INPP5A: variants seen among roughly 807,000 people sequenced by gnomAD.
The protein encoded by INPP5A is inositol polyphosphate-5-phosphatase A, also known as 43 kDa inositol polyphosphate 5-phophatase.
Under a neutral mutation model 65.2 loss-of-function variants are expected in INPP5A, and 14 were observed. The observed-to-expected ratio is 0.21, with a 90% CI of 0.14 to 0.34. The LOEUF (loss-of-function observed/expected upper bound fraction) is 0.34, where lower values mean the gene tolerates loss of function less well. INPP5A is among the 10% of genes least tolerant of loss of function. The probability of loss-of-function intolerance (pLI) is 1.00; values close to 1 mark genes in which losing one functional copy is unlikely to be tolerated. For missense variants in INPP5A, 431 were observed against 545.6 expected (o/e 0.79, Z 2.09); for synonymous variants, 207 against 208.3 (o/e 0.99, Z 0.05).
At chr10:132,696,919 G>A (rs779070252) in intron 5 of INPP5A, among the ~76,000 whole-genome samples, 4 of 152,230 alleles carry the variant, frequency 2.6e-5, no homozygotes, top group Non-Finnish European at 5.9e-5. Context: ...CCAGTACCTT[G>A]GCCCATGGTG....
At chr10:132,720,575 C>T (rs1197161249) in intron 8 of INPP5A, among the ~76,000 whole-genome samples, 2 of 91,836 alleles carry the variant, frequency 2.2e-5, no homozygotes, top group African/African-American at 4.3e-5. Flanking sequence ...TGTGGTACCT[C>T]GGTTCTGTCT....
At chr10:132,641,726 A>G (rs192763047) in intron 2 of INPP5A, among the ~76,000 whole-genome samples, 8 of 152,336 alleles carry the variant, frequency 5.3e-5, no homozygotes, top group African/African-American at 1.7e-4. Context: ...GCTCTTTTCT[A>G]TAGTCGTTCA....
intron 1 of INPP5A, among the ~76,000 whole-genome samples, chr10:132,566,768 G>C (rs2071279448): frequency 6.6e-6 from 1 of 152,158 alleles, no homozygotes; most frequent in Non-Finnish European, 1.5e-5. Flanking sequence ...ACTAGTGTCA[G>C]GGACAAGACA....
At chr10:132,601,182 C>T (rs911773180) in intron 1 of INPP5A, among the ~76,000 whole-genome samples, 12 of 152,144 alleles carry the variant, frequency 7.9e-5, no homozygotes, top group South Asian at 2.1e-4. Context: ...GTATAATATC[C>T]ATCGTATCCA....
At chr10:132,585,401 C>T (rs1387939308) in intron 1 of INPP5A, among the ~76,000 whole-genome samples, 1 of 152,146 alleles carries the variant, frequency 6.6e-6, no homozygotes, top group East Asian at 1.9e-4. Context: ...ACTTCTTTTG[C>T]CGTATATTGT....
At position 132,659,412 on chromosome 10, in the gene INPP5A, G is replaced by A. The variant is rs2133413641; in HGVS notation, c.306+8907G>A. On this transcript the variant is annotated intron_variant, in intron 4 of 15. Transcript: ENST00000368594. This position sits in a 1 kb window ranked among gnomAD's most constrained non-coding sequence, Gnocchi z 5.5. Reference sequence around the variant, plus strand: ...CCCTAGCTCTGGGTGAGGCGGGAGTGGTGGGCAGTGCTGGCCATGAGGTCC... The same window carrying A: ...CCCTAGCTCTGGGTGAGGCGGGAGTAGTGGGCAGTGCTGGCCATGAGGTCC... 6.6e-6 allele frequency among the ~76,000 whole-genome samples: 1 copy of A among 152,334 alleles called. No homozygotes were observed. Among genetic ancestry groups the A allele is most frequent in the African/African-American group, 2.4e-5 (1 of 41,586 alleles).
chr10:132,689,867 C>G lies in INPP5A; in HGVS notation c.307-525C>G, dbSNP rs140443766. ...TTGTAAGTGGGAGACACTGGCAGCT[C>G]CTGGGGCGATGGGGCAGGGTGGGGC... On this transcript the variant is annotated intron_variant, in intron 4 of 15. Coordinates refer to ENST00000368594, the MANE Select transcript of INPP5A (RefSeq NM_005539.5). Among the ~76,000 whole-genome samples the G allele has an allele frequency of 1.7e-3, 262 of 152,346 alleles. 2 individuals carry two copies. Among genetic ancestry groups the G allele is most frequent in the African/African-American group, 6.0e-3 (250 of 41,594 alleles).
chr10:132,695,918 C>A (rs974965722), intron 5 of INPP5A, among the ~76,000 whole-genome samples: 2 of 152,160 alleles, frequency 1.3e-5, no homozygotes, highest in African/African-American at 2.4e-5. Flanking sequence ...CCCCCACCCC[C>A]AAATTCATCT....
intron 9 of INPP5A, among the ~76,000 whole-genome samples, chr10:132,742,693 C>G (rs889745115): frequency 1.3e-5 from 2 of 152,198 alleles, no homozygotes; most frequent in Admixed American, 6.5e-5. Context: ...GAGTTCGGAC[C>G]GTGAGGGACA....
In INPP5A at chr10:132,651,077, G is replaced by A. The variant is rs2072570441; in HGVS notation, c.306+572G>A. On this transcript the variant is annotated intron_variant, in intron 4 of 15. Coordinates refer to ENST00000368594, the MANE Select transcript of INPP5A (RefSeq NM_005539.5). The surrounding 1 kb of genome is among the most constrained non-coding windows in gnomAD (Gnocchi z 5.0). ...GGTGGACACATGAGAGGGTGGCCCT[G>A]GTGGACGTGGCAGCCACAGAGATAC... Among the ~76,000 whole-genome samples, 1 of 152,184 alleles carries A rather than the reference G, an allele frequency of 6.6e-6. No individual in the cohort carries two copies. Among genetic ancestry groups the A allele is most frequent in the Non-Finnish European group, 1.5e-5 (1 of 68,012 alleles).
At chr10:132,717,309 C>T (rs942428711) in intron 8 of INPP5A, among the ~76,000 whole-genome samples, 4 of 145,512 alleles carry the variant, frequency 2.7e-5, no homozygotes, top group South Asian at 2.1e-4. Flanking sequence ...GAGGCTGGGA[C>T]TCACTGGGTG....
rs773082468 is a variant in INPP5A, at chr10:132,587,170, T to A, written c.76-20745T>A. 6.6e-6 allele frequency among the ~76,000 whole-genome samples: 1 copy of A among 152,182 alleles called. No homozygotes were observed. The highest frequency in any genetic ancestry group is 1.9e-4 in the East Asian group (1 of 5,202). ...CACATTTAAAAAACAAGAGAGCCAG[T>A]GTGAAAACAGTAGGCAATGAACAGT... On this transcript the variant is annotated intron_variant, in intron 1 of 15. Transcript: ENST00000368594. The surrounding 1 kb of genome is among the most constrained non-coding windows in gnomAD (Gnocchi z 4.3).
At chr10:132,684,963 A>G (rs1345170215) in intron 4 of INPP5A, among the ~76,000 whole-genome samples, 1 of 152,246 alleles carries the variant, frequency 6.6e-6, no homozygotes. Flanking sequence ...ACTCTCATTT[A>G]AAACAAATGA....
In INPP5A at chr10:132,769,060, G is replaced by A. The variant is rs149801930; in HGVS notation, c.977+3214G>A. On this transcript the variant is annotated intron_variant, in intron 12 of 15. Transcript: ENST00000368594. ...CTCCGGATACAGCCGCACCCGGGGC[G>A]TTGGTGCGTACACTGGCAGAGTGAC... is the stretch of plus-strand genomic sequence containing the variant. Among the ~76,000 whole-genome samples, 323 of 152,364 alleles carry A rather than the reference G, an allele frequency of 2.1e-3. 3 individuals are homozygous for A. Among genetic ancestry groups the A allele is most frequent in the African/African-American group, 6.3e-3 (262 of 41,600 alleles).
intron 4 of INPP5A, among the ~76,000 whole-genome samples, chr10:132,664,508 T>G (rs1454202165): frequency 6.6e-6 from 1 of 152,236 alleles, no homozygotes; most frequent in Non-Finnish European, 1.5e-5. Flanking sequence ...ATCGTGTTTT[T>G]CAGTGTGTTC....
intron 4 of INPP5A, among the ~76,000 whole-genome samples, chr10:132,687,695 G>C (rs989962535): frequency 6.6e-5 from 10 of 152,138 alleles, no homozygotes; most frequent in Non-Finnish European, 1.3e-4. Context: ...TGCAGCTTTG[G>C]GTTCTCCCAC....
intron 1 of INPP5A, among the ~76,000 whole-genome samples, chr10:132,585,852 C>T (rs560358224): frequency 2.0e-5 from 3 of 152,316 alleles, no homozygotes; most frequent in East Asian, 3.9e-4. Context: ...AGTGTCCTTT[C>T]GGGTGTCCAC....
At chr10:132,608,260 G>T (rs2071886611) in intron 2 of INPP5A, among the ~76,000 whole-genome samples, 1 of 152,242 alleles carries the variant, frequency 6.6e-6, no homozygotes, top group African/African-American at 2.4e-5. Context: ...TCCAGGGCTG[G>T]GTGAGCATCC....
chr10:132,690,390 A>G lies in INPP5A; in HGVS notation c.307-2A>G, dbSNP rs750607187. ...CATTTGATTTCTCTTTTTGCTCTAC[A>G]GGCACTAGGAAGCTTTTATTTTCTT... On this transcript the variant is annotated splice_acceptor_variant, in intron 4 of 15. Transcript: ENST00000368594. LOFTEE classifies it high-confidence loss of function. The G allele has an allele frequency of 6.3e-7, 1 of 1,595,140 alleles. No homozygotes were observed. The highest frequency in any genetic ancestry group is 1.1e-5 in the South Asian group (1 of 90,614).
Sources: gnomAD v4.1 joint callset for allele counts (sites outside exome capture counted in the v4.1 genomes callset) on GRCh38, gnomAD v4.1.1 for gene constraint, Gnocchi (gnomAD v3.1) non-coding constraint, MANE v1.5 for transcripts, NCBI Gene and HGNC (gene_info 2026-07-23, HGNC 2026-07-21) for gene names.